The following NSMAF variants were observed in gnomAD, a reference collection of about 807,000 sequenced individuals.
NSMAF encodes the protein protein FAN.
Under a neutral mutation model 134.9 loss-of-function variants are expected in NSMAF, and 90 were observed. The observed-to-expected ratio is 0.67, with a 90% CI of 0.56 to 0.79. NSMAF has a LOEUF of 0.79. Among genes scored for constraint, NSMAF ranks in the 30% least tolerant of loss-of-function variants. The probability of loss-of-function intolerance (pLI) is 0.00; values close to 1 mark genes in which losing one functional copy is unlikely to be tolerated. For synonymous variants in NSMAF, 358 were observed against 389.6 expected (o/e 0.92, Z 0.96); for missense variants, 1,010 against 1,119.0 (o/e 0.90, Z 1.39).
intron 21 of NSMAF, among the ~76,000 whole-genome samples, chr8:58,597,024 G>A (rs530463236): frequency 6.6e-6 from 1 of 152,142 alleles, no homozygotes; most frequent in East Asian, 1.9e-4. Context: ...GGCTGACAGT[G>A]ACTGGGAAGG....
In NSMAF at chr8:58,599,743, G is replaced by T. The variant is rs772159614; in HGVS notation, c.1453+7C>A. The T allele has an allele frequency of 1.9e-6, 3 of 1,613,118 alleles. No individual in the cohort carries two copies. Among genetic ancestry groups the T allele is most frequent in the Admixed American group, 3.3e-5 (2 of 59,868 alleles). ...CTATAATACAACACCTCCAAGGGGG[G>T]ACTCACTGGAAGCCCAAGGGGGAAG... is the stretch of plus-strand genomic sequence containing the variant. On this transcript the variant is annotated splice_region_variant and intron_variant, in intron 18 of 30. Coordinates refer to ENST00000038176, the MANE Select transcript of NSMAF (RefSeq NM_003580.4).
intron 11 of NSMAF, among the ~76,000 whole-genome samples, chr8:58,606,369 A>C (rs539671629): frequency 1.2e-3 from 183 of 152,316 alleles, no homozygotes; most frequent in Non-Finnish European, 2.5e-3. Flanking sequence ...CCATGTCTTC[A>C]CATCTCTTCT....
intron 1 of NSMAF, among the ~76,000 whole-genome samples, chr8:58,647,392 C>T (rs1251814232): frequency 2.0e-5 from 3 of 152,168 alleles, no homozygotes; most frequent in Non-Finnish European, 2.9e-5. Context: ...AAGGCAAGAT[C>T]GCAGTCCTAC....
intron 11 of NSMAF, among the ~76,000 whole-genome samples, chr8:58,607,024 C>G (rs1466082929): frequency 6.6e-6 from 1 of 152,042 alleles, no homozygotes; most frequent in East Asian, 1.9e-4. Flanking sequence ...GGAGGAATGG[C>G]CTTTTAAGTA....
At chr8:58,653,529 A>G (rs531062109) in intron 1 of NSMAF, among the ~76,000 whole-genome samples, 1 of 152,260 alleles carries the variant, frequency 6.6e-6, no homozygotes, top group South Asian at 2.1e-4. Context: ...GAAAACTGAT[A>G]TAGCTATATT....
chr8:58,634,730 G>C (rs1349619826), intron 5 of NSMAF, among the ~76,000 whole-genome samples: 1 of 152,186 alleles, frequency 6.6e-6, no homozygotes, highest in Non-Finnish European at 1.5e-5. Flanking sequence ...ATTGAGTGCA[G>C]TGGTGGGTGC....
intron 10 of NSMAF, 90 bp from the exon 11 acceptor site, chr8:58,607,930 C>A: frequency 9.6e-7 from 1 of 1,045,560 alleles, no homozygotes; most frequent in South Asian, 1.3e-5. Flanking sequence ...AAAAAAATCA[C>A]CAAATCTTGC....
In NSMAF at chr8:58,603,191, T is replaced by C. The variant is rs371919002; in HGVS notation, c.1045+19A>G. On this transcript the variant is annotated intron_variant, in intron 13 of 30. Coordinates refer to ENST00000038176, the MANE Select transcript of NSMAF (RefSeq NM_003580.4). Reference sequence around the variant, plus strand: ...TACTCCCCACTCAACTTGGTCAGAATTCCACGTGTGGCAGTTACCTAGTTC... The same window carrying C: ...TACTCCCCACTCAACTTGGTCAGAACTCCACGTGTGGCAGTTACCTAGTTC... 5.0e-6 allele frequency: 8 copies of C among 1,612,182 alleles called. No individual in the cohort carries two copies. The African/African-American group carries it at 1.1e-4, about 22-fold the overall frequency.
intron 11 of NSMAF, among the ~76,000 whole-genome samples, chr8:58,606,492 T>G (rs892204772): frequency 6.6e-6 from 1 of 152,176 alleles, no homozygotes; most frequent in Non-Finnish European, 1.5e-5. Context: ...CACCGCTCAC[T>G]GCAGCCTCAA....
At chr8:58,629,540 AT>A (rs1291189333) in intron 6 of NSMAF, among the ~76,000 whole-genome samples, 4 of 152,012 alleles carry the variant, frequency 2.6e-5, no homozygotes, top group African/African-American at 9.7e-5. Context: ...GTTTCTGAAA[AT>A]TTATTTTGTA....
At chr8:58,593,225 C>T (rs979501234) in intron 23 of NSMAF, among the ~76,000 whole-genome samples, 3 of 152,192 alleles carry the variant, frequency 2.0e-5, no homozygotes, top group South Asian at 2.1e-4. Flanking sequence ...CCTGGCATGG[C>T]CCAGTTTGGG....
chr8:58,628,516 T>C (rs1806987372), intron 6 of NSMAF, among the ~76,000 whole-genome samples: 1 of 152,190 alleles, frequency 6.6e-6, no homozygotes, highest in Non-Finnish European at 1.5e-5. Flanking sequence ...AACACAGATT[T>C]CTAGTTATGG....
In NSMAF at chr8:58,599,882, G is replaced by A. The variant is rs371927793; in HGVS notation, c.1333-12C>T. 282 of 1,611,836 alleles carry A rather than the reference G, an allele frequency of 1.7e-4. 1 individual carries two copies. The highest frequency in any genetic ancestry group is 3.3e-4 in the Middle Eastern group (2 of 6,070). On this transcript the variant is annotated splice_polypyrimidine_tract_variant and intron_variant, in intron 17 of 30. Coordinates refer to ENST00000038176, the MANE Select transcript of NSMAF (RefSeq NM_003580.4). ...AATTCTGGAATTAACTGAAAGTTTC[G>A]GGGAAAAATAAAAAAGAACAACAAA...
chr8:58,584,142 T>C lies in NSMAF; in HGVS notation c.2718A>G (p.Glu906=). ...ATTTCCAGAATATAATTTGTCTGTC[T>C]TCCCCTCCTGTGATGATACTGCTAC... is the stretch of plus-strand genomic sequence containing the variant. ...EQCSSIITGG[E]DRQIIFWKLQ... Residue 906 remains glutamate (E), a synonymous_variant, in exon 31 of 31, where the codon GAA becomes GAG. Transcript: ENST00000038176. The C allele has an allele frequency of 6.2e-7, 1 of 1,613,668 alleles. No individual in the cohort carries two copies. The highest frequency in any genetic ancestry group is 8.5e-7 in the Non-Finnish European group (1 of 1,179,588).
chr8:58,598,505 A>G (rs1806193368), intron 19 of NSMAF, among the ~76,000 whole-genome samples: 2 of 44,844 alleles, frequency 4.5e-5, no homozygotes, highest in Non-Finnish European at 1.5e-4. Context: ...AAAAAAAAAA[A>G]AAAAAAGAAA....
intron 9 of NSMAF, among the ~76,000 whole-genome samples, chr8:58,619,950 C>T (rs74356313): frequency 6.6e-6 from 1 of 152,074 alleles, no homozygotes; most frequent in Non-Finnish European, 1.5e-5. Flanking sequence ...CCTGCACTAC[C>T]AGATATCAAT....
intron 22 of NSMAF, 87 bp downstream of exon 22, chr8:58,595,473 C>A: frequency 2.3e-6 from 2 of 880,366 alleles, no homozygotes; most frequent in Non-Finnish European, 1.9e-6. Context: ...TTCCCTCTGA[C>A]TCAGCTTAAA....
intron 1 of NSMAF, among the ~76,000 whole-genome samples, chr8:58,656,016 CTT>C (rs143612297): frequency 4.0e-5 from 6 of 150,782 alleles, no homozygotes; most frequent in East Asian, 4.2e-4. Context: ...CTATCTAAAT[CTT>C]TTTTTTGTTT....
intron 28 of NSMAF, 75 bp downstream of exon 28, chr8:58,586,383 C>A: frequency 7.3e-7 from 1 of 1,376,696 alleles, no homozygotes; most frequent in Non-Finnish European, 1.0e-6. Context: ...TTGTTTATTT[C>A]AAAATTAACA....
Sources: gnomAD v4.1 joint callset for allele counts (sites outside exome capture counted in the v4.1 genomes callset) on GRCh38, gnomAD v4.1.1 for gene constraint, MANE v1.5 for transcripts, NCBI Gene and HGNC (gene_info 2026-07-23, HGNC 2026-07-21) for gene names.